The following ERC2 variants were observed in gnomAD, a reference collection of about 807,000 sequenced individuals.
ERC2 encodes ERC protein 2.
In ERC2, 42 loss-of-function variants were observed where a neutral mutation model predicts 114.8. That is an observed-to-expected ratio of 0.37 (90% CI 0.29 to 0.47). The LOEUF (loss-of-function observed/expected upper bound fraction) is 0.47, where lower values mean the gene tolerates loss of function less well. ERC2 is among the 20% of genes least tolerant of loss of function. ERC2 has a pLI of 0.99. For synonymous variants in ERC2, 454 were observed against 425.5 expected, an observed-to-expected ratio of 1.07 and a Z score of -0.82; for missense variants, 939 against 1,150.7, an observed-to-expected ratio of 0.82 and a Z score of 2.66.
chr3:55,887,395 C>CTT (rs1559818153), intron 14 of ERC2, among the ~76,000 whole-genome samples: 4 of 152,110 alleles, frequency 2.6e-5, no homozygotes, highest in Admixed American at 2.6e-4. Flanking sequence ...GAGTTTAATG[C>CTT]TAACCATGTG....
chr3:56,212,812 CAT>C (rs1486569430), intron 3 of ERC2, among the ~76,000 whole-genome samples: 4 of 150,994 alleles, frequency 2.6e-5, no homozygotes, highest in Middle Eastern at 3.4e-3. Context: ...CACACACACA[CAT>C]GCACATGCAC....
At chr3:55,703,898 TC>T (rs1401657574) in intron 15 of ERC2, among the ~76,000 whole-genome samples, 3 of 152,212 alleles carry the variant, frequency 2.0e-5, no homozygotes, top group Non-Finnish European at 4.4e-5. Context: ...TTGGTCTTCT[TC>T]AAGAAATATG....
intron 14 of ERC2, among the ~76,000 whole-genome samples, chr3:55,836,091 A>G (rs948757030): frequency 2.0e-5 from 3 of 151,120 alleles, no homozygotes; most frequent in African/African-American, 4.9e-5. Flanking sequence ...CCACTGCTCA[A>G]TGAAATAAAA....
At chr3:56,120,218 G>T (rs2079496365) in intron 6 of ERC2, among the ~76,000 whole-genome samples, 1 of 152,240 alleles carries the variant, frequency 6.6e-6, no homozygotes, top group South Asian at 2.1e-4. Context: ...CTGGGCCTCT[G>T]GTTCCTAAGG....
intron 2 of ERC2, among the ~76,000 whole-genome samples, chr3:56,311,890 C>G (rs2056604861): frequency 6.6e-6 from 1 of 151,040 alleles, no homozygotes; most frequent in African/African-American, 2.4e-5. Context: ...TCTCCATATG[C>G]ACAGGTCCTA....
At chr3:56,397,625 A>G (rs2060361937) in intron 2 of ERC2, among the ~76,000 whole-genome samples, 1 of 152,192 alleles carries the variant, frequency 6.6e-6, no homozygotes, top group African/African-American at 2.4e-5. Context: ...TGGATACACC[A>G]TAACTTAGCC....
At position 55,673,897 on chromosome 3, in the gene ERC2, G is replaced by A. The variant is rs1366250733; in HGVS notation, c.*39+9897C>T. Among the ~76,000 whole-genome samples, 4 of 143,112 alleles carry A rather than the reference G, an allele frequency of 2.8e-5. No homozygotes were observed. In the East Asian group the frequency reaches 8.8e-4, roughly 31 times the overall value. The allele number at this position is 143,112 out of a possible 152,430, so 93.9% of individuals were successfully genotyped here. Reference sequence around the variant, plus strand: ...CTTCAGGGATCAAGGTGCACAGAAAGAAGAACAGCAGAGGCTGGGGGATCA... The same window carrying A: ...CTTCAGGGATCAAGGTGCACAGAAAAAAGAACAGCAGAGGCTGGGGGATCA... On this transcript the variant is annotated intron_variant, in intron 17 of 17. Transcript: ENST00000288221.
At chr3:55,824,123 A>C (rs2060234158) in intron 14 of ERC2, among the ~76,000 whole-genome samples, 1 of 152,128 alleles carries the variant, frequency 6.6e-6, no homozygotes, top group African/African-American at 2.4e-5. Context: ...CCTCCTGAAC[A>C]AGCTAATTTT....
intron 17 of ERC2, among the ~76,000 whole-genome samples, chr3:55,535,893 C>G (rs999842994): frequency 2.6e-5 from 4 of 152,052 alleles, no homozygotes; most frequent in African/African-American, 9.7e-5. Flanking sequence ...ACTCAGGAGG[C>G]TGAGACAGGG....
rs755571731 is a variant in ERC2 at position 55,734,804 on chromosome 3, T to C, written c.2679A>G (p.Glu893=). 6.2e-7 allele frequency: 1 copy of C among 1,613,264 alleles called. No homozygotes were observed. The highest frequency in any genetic ancestry group is 8.5e-7 in the Non-Finnish European group (1 of 1,179,544). ...TQEEVMALKR[E]KDRLVHQLKQ... is the part of the protein sequence containing the mutation. ...TTAATTGATGTACTAGTCGGTCTTT[T>C]TCCCGCTTGAGGGCCATGACTTCTT... The change falls in exon 15 of 18, where the codon GAA becomes GAG. Residue 893 remains glutamate (E), a synonymous_variant. Coordinates refer to ENST00000288221, the MANE Select transcript of ERC2 (RefSeq NM_015576.3).
intron 17 of ERC2, among the ~76,000 whole-genome samples, chr3:55,520,823 G>A (rs772575220): frequency 6.6e-6 from 1 of 152,140 alleles, no homozygotes; most frequent in Non-Finnish European, 1.5e-5. Context: ...GCCCTTTACT[G>A]AAAAGAACTT....
Position 55,556,469 on chromosome 3 carries a change from C to G in ERC2, c.*40-45193G>C, listed in dbSNP as rs577107647. Reference sequence around the variant, plus strand: ...TCTGTCCAGAAGCTCCCACCACCCCCATAAGCTCCAGACATAGAGCATATG... The same window carrying G: ...TCTGTCCAGAAGCTCCCACCACCCCGATAAGCTCCAGACATAGAGCATATG... On this transcript the variant is annotated intron_variant, in intron 17 of 17. Transcript: ENST00000288221. Among the ~76,000 whole-genome samples the G allele has an allele frequency of 5.3e-5, 8 of 152,348 alleles. No homozygotes were observed. In the South Asian group the frequency reaches 1.4e-3, roughly 28 times the overall value.
At chr3:56,072,748 C>T (rs1022644293) in intron 7 of ERC2, among the ~76,000 whole-genome samples, 2 of 152,090 alleles carry the variant, frequency 1.3e-5, no homozygotes, top group African/African-American at 4.8e-5. Context: ...TATTAAAGGT[C>T]ACTATTTTTC....
chr3:56,196,734 G>A (rs1172553713), intron 3 of ERC2, among the ~76,000 whole-genome samples: 2 of 152,120 alleles, frequency 1.3e-5, no homozygotes, highest in Admixed American at 6.5e-5. Context: ...TCTGTGGCTT[G>A]ACGAGGCCTA....
chr3:56,061,939 G>A (rs549614832), intron 7 of ERC2, among the ~76,000 whole-genome samples: 2 of 152,238 alleles, frequency 1.3e-5, no homozygotes, highest in Non-Finnish European at 2.9e-5. Context: ...GCACATTACC[G>A]TGACCAACTT....
intron 2 of ERC2, among the ~76,000 whole-genome samples, chr3:56,372,893 G>A (rs2059406898): frequency 6.6e-6 from 1 of 152,128 alleles, no homozygotes; most frequent in African/African-American, 2.4e-5. Flanking sequence ...AAGCAACTCA[G>A]GCAGGATGGC....
At chr3:55,950,402 T>G in intron 13 of ERC2, 23 bp downstream of exon 13, 1 of 1,612,492 alleles carries the variant, frequency 6.2e-7, no homozygotes, top group South Asian at 1.1e-5. Context: ...ATTTAGCGAT[T>G]AAGAAGAGAA....
intron 17 of ERC2, among the ~76,000 whole-genome samples, chr3:55,534,241 A>G (rs1444448656): frequency 6.6e-6 from 1 of 152,190 alleles, no homozygotes; most frequent in African/African-American, 2.4e-5. Context: ...CAACATAACA[A>G]GACCTCATCT....
intron 2 of ERC2, among the ~76,000 whole-genome samples, chr3:56,415,397 T>C (rs796835780): frequency 1.3e-5 from 2 of 152,234 alleles, no homozygotes; most frequent in South Asian, 4.1e-4. Flanking sequence ...ATAACTATCA[T>C]TTTTCTTCCT....
Sources: gnomAD v4.1 joint callset for allele counts (sites outside exome capture counted in the v4.1 genomes callset) on GRCh38, gnomAD v4.1.1 for gene constraint, MANE v1.5 for transcripts, NCBI Gene and HGNC (gene_info 2026-07-23, HGNC 2026-07-21) for gene names.